Variants in EFNA5 observed in about 807,000 individuals in gnomAD.
EFNA5 encodes the protein ephrin-A5.
A neutral mutation model predicts 22.9 loss-of-function variants in EFNA5; 5 were observed. The ratio of observed to expected loss-of-function variants is 0.22; its 90% CI spans 0.11 to 0.46. The LOEUF (loss-of-function observed/expected upper bound fraction) is 0.46, where lower values mean the gene tolerates loss of function less well. Ranked by LOEUF, EFNA5 falls within the 20% of genes least tolerant of loss-of-function variation. The pLI, the probability that EFNA5 is intolerant of heterozygous loss-of-function variation, is 0.99. For synonymous variants in EFNA5, 113 were observed against 112.2 expected (o/e 1.01, Z -0.04); for missense variants, 237 against 293.3 (o/e 0.81, Z 1.40).
At chr5:107,628,014 AAATT>A (rs1750176968) in intron 1 of EFNA5, among the ~76,000 whole-genome samples, 1 of 152,224 alleles carries the variant, frequency 6.6e-6, no homozygotes, top group Non-Finnish European at 1.5e-5. Flanking sequence ...CAAATAATAA[AAATT>A]AATGCTTATT....
intron 1 of EFNA5, among the ~76,000 whole-genome samples, chr5:107,430,054 C>T (rs1040353026): frequency 6.6e-6 from 1 of 152,146 alleles, no homozygotes; most frequent in Non-Finnish European, 1.5e-5. Context: ...ACTACATAAC[C>T]ATTTTTTTAA....
Position 107,441,106 on chromosome 5 carries a change from C to T in EFNA5, c.126-13597G>A, listed in dbSNP as rs564101075. 5.3e-4 allele frequency among the ~76,000 whole-genome samples: 81 copies of T among 151,730 alleles called. 1 individual carries two copies. Among genetic ancestry groups the T allele is most frequent in the African/African-American group, 1.9e-3 (77 of 41,370 alleles). ...GGCATAGGGTAAACAGGGATTTCAC[C>T]TTGGTATATCTCAGATTTCTGGCTC... On this transcript the variant is annotated intron_variant, in intron 1 of 4. Coordinates refer to ENST00000333274, the MANE Select transcript of EFNA5 (RefSeq NM_001962.3).
chr5:107,585,866 T>C lies in EFNA5; in HGVS notation c.125+84623A>G, dbSNP rs114984647. ...GATGGCAATCAATCAGTGGAAGATA[T>C]TATATGGTATAAAGTAAAATTACAT... On this transcript the variant is annotated intron_variant, in intron 1 of 4. Coordinates refer to ENST00000333274, the MANE Select transcript of EFNA5 (RefSeq NM_001962.3). 2.1e-3 allele frequency among the ~76,000 whole-genome samples: 325 copies of C among 152,314 alleles called. 1 individual carries two copies. The highest frequency in any genetic ancestry group is 7.6e-3 in the African/African-American group (314 of 41,566).
At position 107,429,531 on chromosome 5, in the gene EFNA5, A is replaced by G. The variant is rs765414586; in HGVS notation, c.126-2022T>C. On this transcript the variant is annotated intron_variant, in intron 1 of 4. Transcript: ENST00000333274. ...AGCCAAGATACTCTTCCGAGAGACAACATTGTGAAAAAGTAGAGACACCAT... is the reference window on the plus strand; with the variant it reads ...AGCCAAGATACTCTTCCGAGAGACAGCATTGTGAAAAAGTAGAGACACCAT... Among the ~76,000 whole-genome samples, 16 of 152,214 alleles carry G rather than the reference A, an allele frequency of 1.1e-4. 1 individual carries two copies. The highest frequency in any genetic ancestry group is 1.6e-4 in the Non-Finnish European group (11 of 68,026).
At chr5:107,482,632 A>G (rs1473859745) in intron 1 of EFNA5, among the ~76,000 whole-genome samples, 3 of 152,042 alleles carry the variant, frequency 2.0e-5, no homozygotes, top group African/African-American at 4.8e-5. Flanking sequence ...CCTTGTCGTG[A>G]TATCATTTGC....
chr5:107,509,211 G>A (rs968371927), intron 1 of EFNA5, among the ~76,000 whole-genome samples: 1 of 152,112 alleles, frequency 6.6e-6, no homozygotes, highest in Non-Finnish European at 1.5e-5. Context: ...AAGAGCAGAT[G>A]TCTTTAGATA....
rs148651521 is a variant in EFNA5 at position 107,652,867 on chromosome 5, T to C, written c.125+17622A>G. The stretch of plus-strand genomic sequence containing the variant: ...ACTTTAAACAAGGGAATCTGTTCCA[T>C]ATTTAAATGATTTAATTTTCTTTTT... On this transcript the variant is annotated intron_variant, in intron 1 of 4. Transcript: ENST00000333274. 4.0e-3 allele frequency among the ~76,000 whole-genome samples: 614 copies of C among 152,226 alleles called. 7 individuals carry two copies. The highest frequency in any genetic ancestry group is 0.014 in the African/African-American group (587 of 41,544).
chr5:107,487,136 C>G (rs994372517), intron 1 of EFNA5, among the ~76,000 whole-genome samples: 1 of 152,162 alleles, frequency 6.6e-6, no homozygotes, highest in Non-Finnish European at 1.5e-5. Context: ...AGTTCCCATC[C>G]TGTATTCCTG....
At chr5:107,562,169 C>T (rs577507442) in intron 1 of EFNA5, among the ~76,000 whole-genome samples, 4 of 152,252 alleles carry the variant, frequency 2.6e-5, no homozygotes, top group African/African-American at 7.2e-5. Context: ...GATCCTTTGA[C>T]AAAATTAATG....
chr5:107,466,549 C>T (rs1460067982), intron 1 of EFNA5, among the ~76,000 whole-genome samples: 1 of 152,180 alleles, frequency 6.6e-6, no homozygotes, highest in Non-Finnish European at 1.5e-5. Context: ...TGCTACCCTT[C>T]CCAGCTGTGC....
chr5:107,641,009 TAGATAGATAGATAGACAGACAGACAGAC>T, intron 1 of EFNA5, among the ~76,000 whole-genome samples: 1 of 142,316 alleles, frequency 7.0e-6, no homozygotes, highest in Admixed American at 7.0e-5. Context: ...GATAGATAGA[TAGATAGATAGATAGACAGACAGACAGAC>T]AGATAGATAG....
rs184584330 is a variant in EFNA5, at chr5:107,634,942, A to C, written c.125+35547T>G. On this transcript the variant is annotated intron_variant, in intron 1 of 4. Coordinates refer to ENST00000333274, the MANE Select transcript of EFNA5 (RefSeq NM_001962.3). ...CTTAAAATATACGAAATTCAAAAGA[A>C]ACGCATTTAACTTACGTCAAATGAT... Among the ~76,000 whole-genome samples, 614 of 152,334 alleles carry C rather than the reference A, an allele frequency of 4.0e-3. 4 individuals are homozygous for C. The highest frequency in any genetic ancestry group is 0.014 in the Middle Eastern group (4 of 294).
intron 1 of EFNA5, among the ~76,000 whole-genome samples, chr5:107,491,269 A>C (rs1313025724): frequency 6.6e-6 from 1 of 152,152 alleles, no homozygotes; most frequent in African/African-American, 2.4e-5. Flanking sequence ...AGAACTCTTA[A>C]TTCTAGCATT....
chr5:107,419,570 C>T (rs1176170948), intron 2 of EFNA5, among the ~76,000 whole-genome samples: 2 of 152,128 alleles, frequency 1.3e-5, no homozygotes, highest in African/African-American at 4.8e-5. Context: ...TATCTGGGTA[C>T]TTACTATCTG....
intron 1 of EFNA5, among the ~76,000 whole-genome samples, chr5:107,639,110 C>T (rs1168951554): frequency 1.3e-5 from 2 of 152,152 alleles, no homozygotes; most frequent in South Asian, 2.1e-4. Context: ...CATATTACTT[C>T]GGTGATTTAA....
intron 1 of EFNA5, among the ~76,000 whole-genome samples, chr5:107,429,539 A>G (rs571926399): frequency 6.6e-6 from 1 of 152,352 alleles, no homozygotes; most frequent in Admixed American, 6.5e-5. Flanking sequence ...CAACATTGTG[A>G]AAAAGTAGAG....
At chr5:107,633,062 A>G (rs1312611011) in intron 1 of EFNA5, among the ~76,000 whole-genome samples, 2 of 152,160 alleles carry the variant, frequency 1.3e-5, no homozygotes. Context: ...ACACAGAGAT[A>G]TAACAAGAGG....
chr5:107,493,206 G>GT (rs1746864585), intron 1 of EFNA5, among the ~76,000 whole-genome samples: 2 of 149,586 alleles, frequency 1.3e-5, no homozygotes, highest in Non-Finnish European at 3.0e-5. Flanking sequence ...GTTGTTTTTT[G>GT]TTTTTTGTTT....
intron 1 of EFNA5, among the ~76,000 whole-genome samples, chr5:107,630,027 G>A (rs1256689124): frequency 2.6e-5 from 4 of 151,578 alleles, no homozygotes; most frequent in Non-Finnish European, 4.4e-5. Flanking sequence ...CTGCACTCCA[G>A]GCTGAGCAAC....
Sources: gnomAD v4.1 joint callset for allele counts (sites outside exome capture counted in the v4.1 genomes callset) on GRCh38, gnomAD v4.1.1 for gene constraint, MANE v1.5 for transcripts, NCBI Gene and HGNC (gene_info 2026-07-23, HGNC 2026-07-21) for gene names.